VTCN1: variants seen among roughly 807,000 people sequenced by gnomAD.
VTCN1 encodes the protein V-set domain containing T cell activation inhibitor 1.
In VTCN1, 26 loss-of-function variants were observed where a neutral mutation model predicts 26.5. That is an observed-to-expected ratio of 0.98 (90% CI 0.72 to 1.36). The LOEUF (loss-of-function observed/expected upper bound fraction) is 1.36. VTCN1 is among the 40% of genes most tolerant of loss of function. VTCN1 has a pLI of 0.00. For synonymous variants in VTCN1, 116 were observed against 130.7 expected (o/e 0.89, Z 0.77); for missense variants, 298 against 337.7 (o/e 0.88, Z 0.92).
intron 1 of VTCN1, among the ~76,000 whole-genome samples, chr1:117,208,008 C>A (rs543486990): frequency 6.6e-6 from 1 of 152,146 alleles, no homozygotes; most frequent in Non-Finnish European, 1.5e-5. Flanking sequence ...CCTTGACCCC[C>A]CTCTGAAGGC....
At chr1:117,157,304 A>G (rs1174289286) in intron 2 of VTCN1, among the ~76,000 whole-genome samples, 1 of 151,914 alleles carries the variant, frequency 6.6e-6, no homozygotes, top group Non-Finnish European at 1.5e-5. Context: ...TGTCTTACCT[A>G]CTATATTAGT....
intron 1 of VTCN1, among the ~76,000 whole-genome samples, chr1:117,188,554 T>G (rs892123974): frequency 2.0e-5 from 3 of 152,350 alleles, no homozygotes. Context: ...AAATTATTCC[T>G]TTGATTATAA....
intron 1 of VTCN1, among the ~76,000 whole-genome samples, chr1:117,208,398 G>A (rs987091399): frequency 2.0e-5 from 3 of 152,168 alleles, no homozygotes; most frequent in East Asian, 3.9e-4. Flanking sequence ...CTTGGGTGAG[G>A]GAAGTGCTCC....
At chr1:117,158,012 G>A (rs1652175756) in intron 2 of VTCN1, among the ~76,000 whole-genome samples, 1 of 152,216 alleles carries the variant, frequency 6.6e-6, no homozygotes, top group African/African-American at 2.4e-5. Flanking sequence ...TGATGCAAGA[G>A]GTGGGTTTCC....
chr1:117,204,061 T>G (rs1648922427), intron 1 of VTCN1, among the ~76,000 whole-genome samples: 1 of 152,184 alleles, frequency 6.6e-6, no homozygotes, highest in Non-Finnish European at 1.5e-5. Flanking sequence ...CTGAGTCCAT[T>G]GAAATCCCAA....
At chr1:117,188,741 A>C (rs1332170120) in intron 1 of VTCN1, among the ~76,000 whole-genome samples, 1 of 152,038 alleles carries the variant, frequency 6.6e-6, no homozygotes, top group African/African-American at 2.4e-5. Context: ...ATGGCAGCCC[A>C]TTTTTTCCCC....
chr1:117,177,038 G>A (rs1647393077), intron 1 of VTCN1, among the ~76,000 whole-genome samples: 1 of 152,214 alleles, frequency 6.6e-6, no homozygotes, highest in Admixed American at 6.5e-5. Context: ...GGCGAAGGCT[G>A]CTGTGAGCCG....
Position 117,161,741 on chromosome 1 carries a change from G to A in VTCN1, c.98-4820C>T, listed in dbSNP as rs1160442864. Among the ~76,000 whole-genome samples, 1 of 152,168 alleles carries A rather than the reference G, an allele frequency of 6.6e-6. No individual in the cohort carries two copies. Among genetic ancestry groups the A allele is most frequent in the Non-Finnish European group, 1.5e-5 (1 of 68,020 alleles). On this transcript the variant is annotated intron_variant, in intron 2 of 5. Transcript: ENST00000369458. This position sits in a 1 kb window ranked among gnomAD's most constrained non-coding sequence, Gnocchi z 4.3. Reference sequence around the variant, plus strand: ...AGGATTACCACATCTAAACTTTGGGGAAATGTGATCCAATGAAAAGGAAGG... The same window carrying A: ...AGGATTACCACATCTAAACTTTGGGAAAATGTGATCCAATGAAAAGGAAGG...
chr1:117,206,858 G>C (rs1035603972), intron 1 of VTCN1, among the ~76,000 whole-genome samples: 1 of 152,118 alleles, frequency 6.6e-6, no homozygotes, highest in African/African-American at 2.4e-5. Context: ...AGGAACACAG[G>C]TGCCACCTAT....
At chr1:117,204,142 C>A (rs894602101) in intron 1 of VTCN1, among the ~76,000 whole-genome samples, 3 of 152,186 alleles carry the variant, frequency 2.0e-5, no homozygotes, top group African/African-American at 7.2e-5. Flanking sequence ...TCCCTCCCTG[C>A]AAGTCTCTGT....
rs540373560 is a variant in VTCN1 at position 117,171,717 on chromosome 1, G to A, written c.33-1546C>T. On this transcript the variant is annotated intron_variant, in intron 1 of 5. Transcript: ENST00000369458. ...ATAACTTATATCAATTATCCATTTA[G>A]TAACCTTAGGAGGAGAACAAATTTT... Among the ~76,000 whole-genome samples, 5 of 152,326 alleles carry A rather than the reference G, an allele frequency of 3.3e-5. No homozygotes were observed. In the South Asian group the frequency reaches 1.0e-3, roughly 32 times the overall value.
chr1:117,148,212 T>C (rs1651613870), intron 4 of VTCN1, among the ~76,000 whole-genome samples: 1 of 152,330 alleles, frequency 6.6e-6, no homozygotes, highest in East Asian at 1.9e-4. Context: ...CAGAGAATGG[T>C]AGATGTAAAG....
At chr1:117,166,940 A>C (rs556257341) in intron 2 of VTCN1, among the ~76,000 whole-genome samples, 257 of 151,930 alleles carry the variant, frequency 1.7e-3, no homozygotes, top group Admixed American at 4.5e-3. Flanking sequence ...AAAAGTACAA[A>C]AAATTAGCCA....
chr1:117,169,659 G>A lies in VTCN1; in HGVS notation c.97+448C>T, dbSNP rs1274105391. ...GGCAATCCCAGCACTTTGGGAGGCCGAGGCAGGTGGATTGCTTGAGCTCAG... is the reference window on the plus strand; with the variant it reads ...GGCAATCCCAGCACTTTGGGAGGCCAAGGCAGGTGGATTGCTTGAGCTCAG... On this transcript the variant is annotated intron_variant, in intron 2 of 5. Coordinates refer to ENST00000369458, the MANE Select transcript of VTCN1 (RefSeq NM_024626.4). This position sits in a 1 kb window ranked among gnomAD's most constrained non-coding sequence, Gnocchi z 4.0. Among the ~76,000 whole-genome samples, 4 of 152,182 alleles carry A rather than the reference G, an allele frequency of 2.6e-5. No homozygotes were observed. The highest frequency in any genetic ancestry group is 4.8e-5 in the African/African-American group (2 of 41,444).
At chr1:117,199,449 C>T (rs1370025650) in intron 1 of VTCN1, among the ~76,000 whole-genome samples, 3 of 152,140 alleles carry the variant, frequency 2.0e-5, no homozygotes, top group Non-Finnish European at 4.4e-5. Flanking sequence ...CCTCAGCCTC[C>T]CGAGTAGCTG....
At chr1:117,154,367 C>CT (rs1298113884) in intron 3 of VTCN1, among the ~76,000 whole-genome samples, 2 of 152,216 alleles carry the variant, frequency 1.3e-5, no homozygotes, top group Non-Finnish European at 2.9e-5. Context: ...AAAAAATCAA[C>CT]TTTTAATTTT....
intron 1 of VTCN1, among the ~76,000 whole-genome samples, chr1:117,206,052 C>T (rs1257198473): frequency 6.6e-6 from 1 of 152,072 alleles, no homozygotes; most frequent in East Asian, 1.9e-4. Context: ...AAGAGTCAGA[C>T]ATTTAATAAG....
At chr1:117,200,194 G>A (rs917372529) in intron 1 of VTCN1, among the ~76,000 whole-genome samples, 1 of 152,138 alleles carries the variant, frequency 6.6e-6, no homozygotes, top group Admixed American at 6.6e-5. Context: ...TTGAGCCCAG[G>A]AGTTTTTGAG....
intron 2 of VTCN1, among the ~76,000 whole-genome samples, chr1:117,166,143 A>C (rs1477829530): frequency 3.9e-5 from 6 of 152,192 alleles, no homozygotes. Context: ...TTCAAAAAGC[A>C]CTTACGGAGC....
Sources: allele counts gnomAD v4.1 joint callset (sites outside exome capture counted in the v4.1 genomes callset), GRCh38; gene constraint gnomAD v4.1.1; non-coding constraint Gnocchi (gnomAD v3.1); transcripts MANE v1.5; gene names NCBI Gene and HGNC (gene_info 2026-07-23, HGNC 2026-07-21).